MTMR1: variants seen among roughly 807,000 people sequenced by gnomAD.
The protein encoded by MTMR1 is phosphatidylinositol-3-phosphate phosphatase MTMR1.
In MTMR1, 17 loss-of-function variants were observed where a neutral mutation model predicts 51.6. The observed-to-expected ratio is 0.33, with a 90% CI of 0.23 to 0.49. The LOEUF is 0.49. Ranked by LOEUF, MTMR1 falls within the 20% of genes least tolerant of loss-of-function variation. MTMR1 has a pLI of 0.99. For missense variants in MTMR1, 386 were observed against 526.9 expected, an observed-to-expected ratio of 0.73 and a Z score of 2.62; for synonymous variants, 201 against 205.6, an observed-to-expected ratio of 0.98 and a Z score of 0.19.
At position 150,735,899 on chromosome X, in the gene MTMR1, G is replaced by A. The variant is rs190202171; in HGVS notation, c.1081-696G>A. ...AACTCTGTGCACATCCCTCAGAGCC[G>A]CAAGGCAGTGATATCCAGGTTCCTG... On this transcript the variant is annotated intron_variant, in intron 10 of 15. Coordinates refer to ENST00000445323, the MANE Select transcript of MTMR1 (RefSeq NM_001306144.3). 9 of 124,632 alleles carry A rather than the reference G, an allele frequency of 7.2e-5. No homozygotes were observed. In the Admixed American group the frequency reaches 7.3e-4, roughly 10 times the overall value. The allele number at this position is 124,632 out of a possible 1,213,427, so 10.3% of individuals were successfully genotyped here.
intron 4 of MTMR1, among the ~76,000 whole-genome samples, chrX:150,719,016 T>C (rs1221421404): frequency 9.0e-5 from 10 of 111,589 alleles, no homozygotes; most frequent in Non-Finnish European, 1.9e-4. Flanking sequence ...TCCTTCAGTA[T>C]AAGGAAAATA....
At chrX:150,760,252 T>C (rs868930103) in intron 15 of MTMR1, among the ~76,000 whole-genome samples, 1 of 100,913 alleles carries the variant, frequency 9.9e-6, no homozygotes, top group Non-Finnish European at 2.1e-5. Context: ...CAGTGGCTGG[T>C]GTGGGTGTCC....
At chrX:150,728,673 T>G (rs1016496190) in intron 6 of MTMR1, among the ~76,000 whole-genome samples, 11 of 110,941 alleles carry the variant, frequency 9.9e-5, no homozygotes, top group African/African-American at 3.6e-4. Context: ...TGATGTATTT[T>G]ATTCCCAGTG....
At chrX:150,718,042 A>T (rs2041601845) in intron 3 of MTMR1, among the ~76,000 whole-genome samples, 1 of 112,721 alleles carries the variant, frequency 8.9e-6, no homozygotes, top group Admixed American at 9.3e-5. Context: ...CGCTTTGTGC[A>T]TGCATGTCCG....
chrX:150,742,227 GC>G (rs2042442912), intron 12 of MTMR1, among the ~76,000 whole-genome samples: 1 of 111,928 alleles, frequency 8.9e-6, no homozygotes, highest in Non-Finnish European at 1.9e-5. Flanking sequence ...TAACATCTAG[GC>G]TATATGGTAC....
intron 4 of MTMR1, 101 bp from the exon 5 acceptor site, chrX:150,727,114 G>A: frequency 2.0e-6 from 1 of 497,167 alleles, no homozygotes; most frequent in Non-Finnish European, 3.3e-6. Context: ...CAAAATTCCT[G>A]GAAAACTGGA....
chrX:150,724,923 T>C (rs1257806074), intron 4 of MTMR1, among the ~76,000 whole-genome samples: 1 of 112,047 alleles, frequency 8.9e-6, no homozygotes, highest in African/African-American at 3.2e-5. Flanking sequence ...CTCTATTCTG[T>C]TCCACTTGTC....
chrX:150,752,812 T>G (rs984602626), intron 14 of MTMR1, among the ~76,000 whole-genome samples: 1 of 111,004 alleles, frequency 9.0e-6, no homozygotes, highest in African/African-American at 3.3e-5. Context: ...TCTCTTTATT[T>G]CTATTTTTTG....
intron 10 of MTMR1, 31 bp from the exon 11 acceptor site, chrX:150,736,564 T>C: frequency 8.5e-7 from 1 of 1,173,657 alleles, no homozygotes; most frequent in Non-Finnish European, 1.2e-6. Flanking sequence ...TAATTCCAGA[T>C]AATGTGATGT....
chrX:150,731,544 C>A lies in MTMR1; in HGVS notation c.816C>A (p.Ile272=). ...AGTTCTGTGACACCTACCCTGCCATCATTGTTGTGCCAACTAGTGTAAAAG... is the reference window on the plus strand; with the variant it reads ...AGTTCTGTGACACCTACCCTGCCATAATTGTTGTGCCAACTAGTGTAAAAG... ...NYEFCDTYPA[I]IVVPTSVKDD... The change falls in exon 9 of 16, where the codon ATC becomes ATA. Residue 272 remains isoleucine, a synonymous_variant. Coordinates refer to ENST00000445323, the MANE Select transcript of MTMR1 (RefSeq NM_001306144.3). 8.3e-7 allele frequency: 1 copy of A among 1,208,660 alleles called. No homozygotes were observed.
intron 11 of MTMR1, 107 bp from the exon 12 acceptor site, chrX:150,737,135 G>T: frequency 1.4e-6 from 1 of 719,069 alleles, no homozygotes; most frequent in Admixed American, 3.0e-5. Flanking sequence ...TTCTTGCTTG[G>T]TTTATTGACC....
intron 2 of MTMR1, among the ~76,000 whole-genome samples, chrX:150,702,341 G>A (rs2040945981): frequency 9.0e-6 from 1 of 111,240 alleles, no homozygotes; most frequent in Non-Finnish European, 1.9e-5. Context: ...GAGTGTCTGA[G>A]GGAGGGAAAC....
Position 150,759,657 on chromosome X carries a change from T to C in MTMR1, c.1858-2908T>C, listed in dbSNP as rs188802667. Reference sequence around the variant, plus strand: ...CGTGAGGCAGGTAACAGACCTTTCCTAAAACCTACAAACTGCGCGACAGAT... The same window carrying C: ...CGTGAGGCAGGTAACAGACCTTTCCCAAAACCTACAAACTGCGCGACAGAT... On this transcript the variant is annotated intron_variant, in intron 15 of 15. Transcript: ENST00000445323. Among the ~76,000 whole-genome samples the C allele has an allele frequency of 6.9e-4, 76 of 109,692 alleles. 5 individuals carry two copies. The highest frequency in any genetic ancestry group is 6.8e-3 in the Admixed American group (70 of 10,345).
At chrX:150,703,277 G>A (rs1170337686) in intron 2 of MTMR1, among the ~76,000 whole-genome samples, 1 of 112,151 alleles carries the variant, frequency 8.9e-6, no homozygotes, top group Non-Finnish European at 1.9e-5. Flanking sequence ...TAGTCTCTGA[G>A]GCTCAGTTTC....
chrX:150,710,762 T>C (rs1398007475), intron 2 of MTMR1, among the ~76,000 whole-genome samples: 2 of 112,757 alleles, frequency 1.8e-5, no homozygotes, highest in Non-Finnish European at 3.7e-5. Context: ...TTTTTTATGA[T>C]GCAGCAGCTG....
At chrX:150,712,947 A>T (rs1557416267) in intron 3 of MTMR1, 2 of 943,897 alleles carry the variant, frequency 2.1e-6, no homozygotes, top group Non-Finnish European at 1.4e-6. Context: ...ATTTCAGAAC[A>T]TTCATAAAGC....
chrX:150,736,338 C>A (rs1016792064), intron 10 of MTMR1: 2 of 311,303 alleles, frequency 6.4e-6, no homozygotes, highest in Non-Finnish European at 5.6e-6. Context: ...CTAGAGTGTT[C>A]GGAGGAAGCA....
chrX:150,728,859 A>G (rs1263889788), intron 6 of MTMR1, among the ~76,000 whole-genome samples: 7 of 107,099 alleles, frequency 6.5e-5, no homozygotes, highest in African/African-American at 2.4e-4. Flanking sequence ...TGCGTTCAAA[A>G]CCATTTTTTT....
chrX:150,710,275 A>G (rs2041261931), intron 2 of MTMR1, among the ~76,000 whole-genome samples: 1 of 112,218 alleles, frequency 8.9e-6, no homozygotes, highest in African/African-American at 3.2e-5. Context: ...CCTTGAACTC[A>G]GCCAGATTAC....
Sources: gnomAD v4.1 joint callset for allele counts (sites outside exome capture counted in the v4.1 genomes callset) on GRCh38, gnomAD v4.1.1 for gene constraint, MANE v1.5 for transcripts, NCBI Gene and HGNC (gene_info 2026-07-23, HGNC 2026-07-21) for gene names.